Variants in GNA12 observed in about 807,000 individuals in gnomAD.
The protein encoded by GNA12 is G protein subunit alpha 12.
In GNA12, 9 loss-of-function variants were observed where a neutral mutation model predicts 26.0. The observed-to-expected ratio is 0.35, with a 90% CI of 0.21 to 0.60. The LOEUF (loss-of-function observed/expected upper bound fraction) is 0.60, where lower values mean the gene tolerates loss of function less well. Ranked by LOEUF, GNA12 falls within the 20% of genes least tolerant of loss-of-function variation. GNA12 has a pLI of 0.78. For synonymous variants in GNA12, 264 were observed against 219.6 expected (o/e 1.20, Z -1.79); for missense variants, 405 against 525.8 (o/e 0.77, Z 2.25).
At chr7:2,783,209 G>T (rs1792273062) in intron 2 of GNA12, among the ~76,000 whole-genome samples, 1 of 152,110 alleles carries the variant, frequency 6.6e-6, no homozygotes, top group Non-Finnish European at 1.5e-5. Context: ...GAATCTCCAT[G>T]GTTTAGGGTT....
intron 2 of GNA12, among the ~76,000 whole-genome samples, chr7:2,794,310 C>T (rs1792595410): frequency 6.6e-6 from 1 of 151,720 alleles, no homozygotes. Flanking sequence ...CAGCTGTGCA[C>T]ATTTATGCTG....
chr7:2,733,482 A>G lies in GNA12; in HGVS notation c.545T>C (p.Phe182Ser). 1 of 1,613,880 alleles carries G rather than the reference A, an allele frequency of 6.2e-7. No homozygotes were observed. Among genetic ancestry groups the G allele is most frequent in the Non-Finnish European group, 8.5e-7 (1 of 1,179,842 alleles). ...GCCGATCCGGTCCAAGTTGTCCAGG[A>G]AGTACTTCACCGACTCCCCCTGTCA... The part of the protein sequence containing the change: ...EFQLGESVKY[F>S]LDNLDRIGQL... Residue 182 changes from phenylalanine (F) to serine (S), a missense_variant, in exon 3 of 4, where the codon TTC becomes TCC. Phe to Ser is a radical substitution (Grantham distance 155). Coordinates refer to ENST00000275364, the MANE Select transcript of GNA12 (RefSeq NM_007353.3).
chr7:2,769,131 T>C (rs566041720), intron 2 of GNA12, among the ~76,000 whole-genome samples: 215 of 152,254 alleles, frequency 1.4e-3, no homozygotes, highest in Middle Eastern at 3.4e-3. Context: ...CTCGAACTCC[T>C]AACCTCAAGT....
At chr7:2,821,752 G>A (rs958462091) in intron 1 of GNA12, among the ~76,000 whole-genome samples, 1 of 152,182 alleles carries the variant, frequency 6.6e-6, no homozygotes, top group East Asian at 1.9e-4. Flanking sequence ...CTAGTTGCCA[G>A]GAAACATGAG....
chr7:2,755,729 T>C (rs1206964744), intron 2 of GNA12, among the ~76,000 whole-genome samples: 1 of 152,258 alleles, frequency 6.6e-6, no homozygotes, highest in Non-Finnish European at 1.5e-5. Flanking sequence ...TGCATTTCCT[T>C]TTCTTGCCTT....
chr7:2,732,303 G>C (rs1789936710), intron 3 of GNA12, among the ~76,000 whole-genome samples: 2 of 152,104 alleles, frequency 1.3e-5, no homozygotes, highest in South Asian at 2.1e-4. Flanking sequence ...TATAATCCTG[G>C]TGCTTTGGGA....
intron 2 of GNA12, among the ~76,000 whole-genome samples, chr7:2,750,743 A>C (rs965011782): frequency 6.6e-6 from 1 of 152,172 alleles, no homozygotes; most frequent in Non-Finnish European, 1.5e-5. Context: ...CAGTGTGAAG[A>C]GCAAGGGGGA....
intron 2 of GNA12, among the ~76,000 whole-genome samples, chr7:2,743,408 C>T (rs1008170519): frequency 3.2e-4 from 48 of 152,230 alleles, no homozygotes; most frequent in Non-Finnish European, 2.1e-4. Flanking sequence ...TCATCAGGGG[C>T]AAAAACAATC....
intron 2 of GNA12, among the ~76,000 whole-genome samples, chr7:2,749,757 A>G (rs1390493838): frequency 6.6e-6 from 1 of 152,188 alleles, no homozygotes; most frequent in Non-Finnish European, 1.5e-5. Flanking sequence ...ACAACATCTG[A>G]AATTTTAAAA....
chr7:2,775,503 G>T (rs1038888973), intron 2 of GNA12: 20 of 152,122 alleles, frequency 1.3e-4, no homozygotes, highest in African/African-American at 4.6e-4. Context: ...CAGGAGGAAC[G>T]TCGTGCCCAG....
At chr7:2,808,964 G>A (rs117867554) in intron 1 of GNA12, among the ~76,000 whole-genome samples, 2,858 of 152,216 alleles carry the variant, frequency 0.019, 31 homozygotes, top group Non-Finnish European at 0.029. Context: ...CCTTTGCCCC[G>A]GATAGCCGCA....
intron 1 of GNA12, among the ~76,000 whole-genome samples, chr7:2,808,207 A>G (rs1001715968): frequency 1.2e-4 from 18 of 152,236 alleles, no homozygotes; most frequent in Admixed American, 1.2e-3. Flanking sequence ...CTTCTCACGC[A>G]TACCCAACTC....
intron 2 of GNA12, among the ~76,000 whole-genome samples, chr7:2,738,934 G>C (rs553037985): frequency 6.6e-6 from 1 of 152,094 alleles, no homozygotes; most frequent in South Asian, 2.1e-4. Context: ...TAGCCTCGTG[G>C]CTGTGCCTGT....
Position 2,808,972 on chromosome 7 carries a change from G to A in GNA12, c.310-13829C>T, listed in dbSNP as rs1030462123. Among the ~76,000 whole-genome samples the A allele has an allele frequency of 5.3e-5, 8 of 152,256 alleles. No homozygotes were observed. In the East Asian group the frequency reaches 7.7e-4, roughly 15 times the overall value. On this transcript the variant is annotated intron_variant, in intron 1 of 3. Coordinates refer to ENST00000275364, the MANE Select transcript of GNA12 (RefSeq NM_007353.3). ...CTGAAACCCTTTGCCCCGGATAGCC[G>A]CACGGCTCACTTCCTCAATGCTCAG... is the stretch of plus-strand genomic sequence containing the variant.
At chr7:2,752,734 G>A (rs756107167) in intron 2 of GNA12, among the ~76,000 whole-genome samples, 5 of 151,634 alleles carry the variant, frequency 3.3e-5, no homozygotes, top group Non-Finnish European at 4.4e-5. Flanking sequence ...TTTTTTTGCC[G>A]TAACTTTTCA....
intron 2 of GNA12, among the ~76,000 whole-genome samples, chr7:2,769,124 G>A (rs189797575): frequency 1.0e-3 from 152 of 152,106 alleles, no homozygotes; most frequent in African/African-American, 2.5e-3. Flanking sequence ...GGCTGGTCTC[G>A]AACTCCTAAC....
At chr7:2,775,260 G>C (rs977491658) in intron 2 of GNA12, 2 of 152,150 alleles carry the variant, frequency 1.3e-5, no homozygotes, top group Non-Finnish European at 2.9e-5. Context: ...CCTTTCTCTG[G>C]TGCTAGTATG....
At chr7:2,763,017 G>A (rs1043303354) in intron 2 of GNA12, 51 of 1,278,652 alleles carry the variant, frequency 4.0e-5, no homozygotes, top group Non-Finnish European at 4.9e-5. Flanking sequence ...CAGCCCCGCC[G>A]GCCACTGGCC....
intron 1 of GNA12, among the ~76,000 whole-genome samples, chr7:2,822,804 T>C (rs1793397501): frequency 6.6e-6 from 1 of 152,058 alleles, no homozygotes; most frequent in Non-Finnish European, 1.5e-5. Context: ...AGAGTAAGAC[T>C]CCGTTTCCAA....
Sources: gnomAD v4.1 joint callset for allele counts (sites outside exome capture counted in the v4.1 genomes callset) on GRCh38, gnomAD v4.1.1 for gene constraint, MANE v1.5 for transcripts, NCBI Gene and HGNC (gene_info 2026-07-23, HGNC 2026-07-21) for gene names.